Variants in ZNF618 observed in about 807,000 individuals in gnomAD.
ZNF618 encodes neural precursor cell expressed, developmentally down-regulated 10.
In ZNF618, 34 loss-of-function variants were observed where a neutral mutation model predicts 103.0. That is an observed-to-expected ratio of 0.33 (90% confidence interval 0.25 to 0.44). The LOEUF (loss-of-function observed/expected upper bound fraction) is 0.44. Among genes scored for constraint, ZNF618 ranks in the 20% least tolerant of loss-of-function variants. The pLI is 1.00. For missense variants in ZNF618, 1,059 were observed against 1,295.4 expected, an observed-to-expected ratio of 0.82 and a Z score of 2.80; for synonymous variants, 551 against 542.2, an observed-to-expected ratio of 1.02 and a Z score of -0.23.
intron 1 of ZNF618, among the ~76,000 whole-genome samples, chr9:113,924,197 A>G (rs949059770): frequency 6.6e-6 from 1 of 151,974 alleles, no homozygotes. Flanking sequence ...CTTTATATTA[A>G]TAGATACAGG....
At position 114,010,169 on chromosome 9, in the gene ZNF618, C is replaced by T. The variant is rs141385633; in HGVS notation, c.754+1615C>T. Among the ~76,000 whole-genome samples, 901 of 152,046 alleles carry T rather than the reference C, an allele frequency of 5.9e-3. 16 individuals carry two copies. Among genetic ancestry groups the T allele is most frequent in the African/African-American group, 0.017 (697 of 41,460 alleles). The stretch of plus-strand genomic sequence containing the variant: ...TACTAAAATTAGCCAGGTGTGGTGA[C>T]GCACACCTATAGCCCCAGCTACTTG... On this transcript the variant is annotated intron_variant, in intron 9 of 14. Transcript: ENST00000374126.
chr9:113,911,785 C>T (rs1307039975), intron 1 of ZNF618, among the ~76,000 whole-genome samples: 1 of 152,196 alleles, frequency 6.6e-6, no homozygotes, highest in Non-Finnish European at 1.5e-5. Context: ...GTACCCTCGA[C>T]AGCCCAACAG....
chr9:114,036,507 C>T, intron 13 of ZNF618, 130 bp downstream of exon 13: 1 of 966,792 alleles, frequency 1.0e-6, no homozygotes, highest in Non-Finnish European at 1.6e-6. Context: ...GGACATGGAA[C>T]CTGCTTGCAG....
chr9:113,881,891 T>TA (rs1032598614), intron 1 of ZNF618, among the ~76,000 whole-genome samples: 4 of 152,286 alleles, frequency 2.6e-5, no homozygotes, highest in Admixed American at 1.3e-4. Flanking sequence ...GTGCTGTAGT[T>TA]AAAAATGACA....
At chr9:113,957,644 C>G (rs1836435103) in intron 1 of ZNF618, among the ~76,000 whole-genome samples, 1 of 152,130 alleles carries the variant, frequency 6.6e-6, no homozygotes, top group Non-Finnish European at 1.5e-5. Flanking sequence ...CTTCGGTTCA[C>G]TAGAAGAGAT....
rs1832556969 is a variant in ZNF618 at position 113,920,620 on chromosome 9, T to C, written c.33+44207T>C. On this transcript the variant is annotated intron_variant, in intron 1 of 14. Coordinates refer to ENST00000374126, the MANE Select transcript of ZNF618 (RefSeq NM_001318042.2). ...TTTCACCATGTTGGCCAGATTGGTC[T>C]CAAACTCCTGACCTCAGCTGATCTG... Among the ~76,000 whole-genome samples the C allele has an allele frequency of 3.9e-5, 6 of 152,298 alleles. 1 individual carries two copies. The highest frequency in any genetic ancestry group is 3.9e-4 in the Admixed American group (6 of 15,294).
intron 2 of ZNF618, among the ~76,000 whole-genome samples, chr9:113,972,310 A>G (rs1288855521): frequency 6.6e-6 from 1 of 152,182 alleles, no homozygotes; most frequent in Non-Finnish European, 1.5e-5. Flanking sequence ...TGGCCTCCCA[A>G]AGTGCTGGGA....
At chr9:113,897,452 AG>A (rs766087564) in intron 1 of ZNF618, among the ~76,000 whole-genome samples, 15 of 152,266 alleles carry the variant, frequency 9.9e-5, no homozygotes, top group Middle Eastern at 3.4e-3. Context: ...TTGAAATTTG[AG>A]GCTTATTCCA....
At chr9:113,963,859 A>G in intron 1 of ZNF618, among the ~76,000 whole-genome samples, 1 of 152,172 alleles carries the variant, frequency 6.6e-6, no homozygotes. Flanking sequence ...GGGGCAGCAC[A>G]CACCCTGGGG....
intron 2 of ZNF618, among the ~76,000 whole-genome samples, chr9:113,982,844 T>C (rs1415123461): frequency 6.6e-6 from 1 of 152,214 alleles, no homozygotes; most frequent in Non-Finnish European, 1.5e-5. Flanking sequence ...AAAGGCCAGC[T>C]GTCTTAGGGA....
At chr9:113,980,265 C>A (rs1928699) in intron 2 of ZNF618, among the ~76,000 whole-genome samples, 85,148 of 151,852 alleles carry the variant, frequency 0.56, 24,202 homozygotes, top group Middle Eastern at 0.77. Context: ...TTGTTTTCCT[C>A]TCTTGGGAGA....
At chr9:113,905,307 C>T (rs977970271) in intron 1 of ZNF618, among the ~76,000 whole-genome samples, 4 of 152,180 alleles carry the variant, frequency 2.6e-5, no homozygotes, top group Admixed American at 1.3e-4. Flanking sequence ...CTGCCTTTGC[C>T]TCCCAAAGTG....
At chr9:113,964,153 G>A (rs1394553093) in intron 1 of ZNF618, among the ~76,000 whole-genome samples, 1 of 152,078 alleles carries the variant, frequency 6.6e-6, no homozygotes, top group Admixed American at 6.5e-5. Context: ...CCAAGATGGC[G>A]GCCCCCTTCT....
intron 6 of ZNF618, among the ~76,000 whole-genome samples, 200 bp from the exon 7 acceptor site, chr9:114,007,150 C>A (rs7848107): frequency 6.6e-6 from 1 of 152,176 alleles, no homozygotes; most frequent in Non-Finnish European, 1.5e-5. Context: ...TGCTCATCAC[C>A]GGCCCTCCCG....
intron 1 of ZNF618, among the ~76,000 whole-genome samples, chr9:113,899,407 T>C (rs1047259072): frequency 1.3e-5 from 2 of 152,186 alleles, no homozygotes; most frequent in Non-Finnish European, 2.9e-5. Context: ...GTCCGTGGCC[T>C]GTTGGGAACT....
chr9:113,943,299 G>A (rs1434774094), intron 1 of ZNF618, among the ~76,000 whole-genome samples: 2 of 152,230 alleles, frequency 1.3e-5, no homozygotes, highest in Non-Finnish European at 2.9e-5. Context: ...GGTCAGGAAA[G>A]CTTGCGGCTG....
intron 1 of ZNF618, among the ~76,000 whole-genome samples, chr9:113,952,593 T>A (rs1240154137): frequency 6.6e-6 from 1 of 152,258 alleles, no homozygotes; most frequent in Non-Finnish European, 1.5e-5. Flanking sequence ...TGGGGCCAGA[T>A]AAGCTTGGGT....
At chr9:113,980,553 A>G (rs1408113) in intron 2 of ZNF618, among the ~76,000 whole-genome samples, 86,108 of 152,032 alleles carry the variant, frequency 0.57, 24,690 homozygotes, top group Middle Eastern at 0.77. Context: ...GACTCTCTTT[A>G]AAAAATGAAA....
intron 1 of ZNF618, among the ~76,000 whole-genome samples, chr9:113,898,920 C>T (rs747164611): frequency 2.6e-5 from 4 of 152,114 alleles, no homozygotes; most frequent in Non-Finnish European, 5.9e-5. Flanking sequence ...AAAGCCCTAG[C>T]TGGAAGTAGC....
Sources: gnomAD v4.1 joint callset for allele counts (sites outside exome capture counted in the v4.1 genomes callset) on GRCh38, gnomAD v4.1.1 for gene constraint, MANE v1.5 for transcripts, NCBI Gene and HGNC (gene_info 2026-07-23, HGNC 2026-07-21) for gene names.